INPP4B: variants seen among roughly 807,000 people sequenced by gnomAD.
The protein encoded by INPP4B is inositol polyphosphate-4-phosphatase type II B, also known as inositol polyphosphate 4-phosphatase type II.
INPP4B carries 55 observed loss-of-function variants against 122.5 expected under a neutral mutation model. The observed-to-expected ratio is 0.45, with a 90% CI of 0.36 to 0.56. The LOEUF is 0.56. Ranked by LOEUF, INPP4B falls within the 20% of genes least tolerant of loss-of-function variation. INPP4B has a pLI of 0.00. For synonymous variants in INPP4B, 403 were observed against 388.7 expected (o/e 1.04, Z -0.43); for missense variants, 1,000 against 1,097.7 (o/e 0.91, Z 1.26).
chr4:142,734,160 T>G (rs1490815764), intron 1 of INPP4B, among the ~76,000 whole-genome samples: 1 of 152,054 alleles, frequency 6.6e-6, no homozygotes, highest in African/African-American at 2.4e-5. Flanking sequence ...ACAGCTGGTG[T>G]CCTTGTAAGA....
chr4:142,191,564 C>A (rs987310373), intron 15 of INPP4B, among the ~76,000 whole-genome samples: 16 of 152,124 alleles, frequency 1.1e-4, no homozygotes, highest in Non-Finnish European at 1.9e-4. Flanking sequence ...TTCCAACTCC[C>A]ATAAAGTAAA....
intron 2 of INPP4B, among the ~76,000 whole-genome samples, chr4:142,486,793 C>G (rs1042590284): frequency 6.6e-6 from 1 of 152,074 alleles, no homozygotes; most frequent in Non-Finnish European, 1.5e-5. Flanking sequence ...AGCTGGTGTT[C>G]ATTTTGTTGC....
intron 1 of INPP4B, among the ~76,000 whole-genome samples, chr4:142,783,230 C>T (rs960093490): frequency 6.6e-6 from 1 of 151,966 alleles, no homozygotes; most frequent in African/African-American, 2.4e-5. Context: ...AACAGGCAAC[C>T]TATAAAATGG....
chr4:142,337,075 C>CTA (rs1333178063), intron 7 of INPP4B, among the ~76,000 whole-genome samples: 1 of 151,920 alleles, frequency 6.6e-6, no homozygotes, highest in African/African-American at 2.4e-5. Flanking sequence ...TACATAAATA[C>CTA]TATATATATT....
chr4:142,085,428 G>T lies in INPP4B; in HGVS notation c.2487+716C>A, dbSNP rs191953430. On this transcript the variant is annotated intron_variant, in intron 24 of 25. Transcript: ENST00000262992. ...TTAACATGTACCTTTCCTGATGGAAGGATGCATTCCTAATGAAAGGATGTT... is the reference window on the plus strand; with the variant it reads ...TTAACATGTACCTTTCCTGATGGAATGATGCATTCCTAATGAAAGGATGTT... 4.6e-5 allele frequency among the ~76,000 whole-genome samples: 7 copies of T among 152,256 alleles called. No individual in the cohort carries two copies. The East Asian group carries it at 1.4e-3, about 29-fold the overall frequency.
chr4:142,402,949 A>C lies in INPP4B; in HGVS notation c.361T>G (p.Ser121Ala). ...KLTVYDVKDK[S>A]HDTVRTSVLP... ...GTACCAGTACTTACGGTGTCATGAG[A>C]CTTATCCTTGACATCATAGACTGTT... Residue 121 changes from serine (S) to alanine (A), a missense_variant, in exon 7 of 26, where the codon TCT becomes GCT. By Grantham distance (99) the Ser-to-Ala change is moderately conservative. Coordinates refer to ENST00000262992, the MANE Select transcript of INPP4B (RefSeq NM_001101669.3). 1 of 1,509,210 alleles carries C rather than the reference A, an allele frequency of 6.6e-7. No individual in the cohort carries two copies. The highest frequency in any genetic ancestry group is 9.2e-7 in the Non-Finnish European group (1 of 1,083,962). The allele number at this position is 1,509,210 out of a possible 1,614,324, so 93.5% of individuals were successfully genotyped here.
chr4:142,367,188 A>ATGTGTGTGTGTG (rs5862590), intron 7 of INPP4B, among the ~76,000 whole-genome samples: 3,241 of 132,578 alleles, frequency 0.024, 60 homozygotes, highest in Non-Finnish European at 0.035. Flanking sequence ...TACATGTAAT[A>ATGTGTGTGTGTG]TGTGTGTGTG....
chr4:142,320,939 A>T (rs551732083), intron 7 of INPP4B, among the ~76,000 whole-genome samples: 6 of 152,320 alleles, frequency 3.9e-5, no homozygotes, highest in Admixed American at 3.9e-4. Context: ...ATGCATGTGC[A>T]AGTGTCTTTT....
intron 25 of INPP4B, among the ~76,000 whole-genome samples, chr4:142,040,489 C>T (rs1246203982): frequency 6.6e-6 from 1 of 152,156 alleles, no homozygotes; most frequent in Non-Finnish European, 1.5e-5. Context: ...ATTGACTTTC[C>T]ACCCACTTTG....
At chr4:142,400,621 TAAGG>T (rs1293704008) in intron 7 of INPP4B, among the ~76,000 whole-genome samples, 2 of 152,172 alleles carry the variant, frequency 1.3e-5, no homozygotes, top group African/African-American at 4.8e-5. Context: ...AAAGCTATGT[TAAGG>T]AAGAGGTTAT....
chr4:142,299,542 A>G (rs1280690842), intron 9 of INPP4B, among the ~76,000 whole-genome samples: 2 of 149,398 alleles, frequency 1.3e-5, no homozygotes, highest in Non-Finnish European at 3.0e-5. Context: ...TTTTTTCTAC[A>G]CAAAAGCATA....
intron 2 of INPP4B, among the ~76,000 whole-genome samples, chr4:142,692,715 C>T (rs184890451): frequency 2.6e-5 from 4 of 152,154 alleles, no homozygotes; most frequent in African/African-American, 4.8e-5. Context: ...CCAGGAGTTA[C>T]GGTTCTGCCC....
intron 5 of INPP4B, among the ~76,000 whole-genome samples, chr4:142,428,021 C>A (rs987651273): frequency 6.6e-6 from 1 of 151,466 alleles, no homozygotes; most frequent in Non-Finnish European, 1.5e-5. Flanking sequence ...TTCTGAATAC[C>A]TGGAAAAATT....
intron 2 of INPP4B, among the ~76,000 whole-genome samples, chr4:142,671,801 C>A (rs1580676533): frequency 6.6e-6 from 1 of 152,060 alleles, no homozygotes; most frequent in South Asian, 2.1e-4. Flanking sequence ...TAAAATTTAC[C>A]CTTTTACTGT....
At chr4:142,175,234 T>C (rs1827572252) in intron 15 of INPP4B, among the ~76,000 whole-genome samples, 1 of 152,146 alleles carries the variant, frequency 6.6e-6, no homozygotes, top group South Asian at 2.1e-4. Context: ...AATTCCATAA[T>C]TTTATTCCTC....
At chr4:142,358,037 G>C (rs1296038596) in intron 7 of INPP4B, among the ~76,000 whole-genome samples, 1 of 152,024 alleles carries the variant, frequency 6.6e-6, no homozygotes, top group African/African-American at 2.4e-5. Context: ...ATAGTAGGTA[G>C]AGGGATATTT....
chr4:142,371,111 C>A (rs958158483), intron 7 of INPP4B, among the ~76,000 whole-genome samples: 1 of 151,926 alleles, frequency 6.6e-6, no homozygotes, highest in Non-Finnish European at 1.5e-5. Flanking sequence ...GAAGAGAGAG[C>A]CCAGAAACAA....
At chr4:142,745,376 C>A (rs1768555973) in intron 1 of INPP4B, among the ~76,000 whole-genome samples, 1 of 151,714 alleles carries the variant, frequency 6.6e-6, no homozygotes, top group Middle Eastern at 3.2e-3. Flanking sequence ...TAAGACTAAA[C>A]AAGGGGTCAA....
chr4:142,657,829 G>A (rs556868745), intron 2 of INPP4B, among the ~76,000 whole-genome samples: 42 of 152,274 alleles, frequency 2.8e-4, no homozygotes, highest in Non-Finnish European at 4.7e-4. Context: ...AATATCAAGT[G>A]TTTTAAACCT....
Sources: allele counts gnomAD v4.1 joint callset (sites outside exome capture counted in the v4.1 genomes callset), GRCh38; gene constraint gnomAD v4.1.1; transcripts MANE v1.5; gene names NCBI Gene and HGNC (gene_info 2026-07-23, HGNC 2026-07-21).